Variants in WASHC2A observed in about 807,000 individuals in gnomAD.
The protein encoded by WASHC2A is WASH complex subunit 2A.
A neutral mutation model predicts 140.3 loss-of-function variants in WASHC2A; 82 were observed. The ratio of observed to expected loss-of-function variants is 0.58; its 90% CI spans 0.49 to 0.70. The LOEUF (loss-of-function observed/expected upper bound fraction) is 0.70. WASHC2A is among the 30% of genes least tolerant of loss of function. The pLI is 0.00. For missense variants in WASHC2A, 985 were observed against 1,521.8 expected, an observed-to-expected ratio of 0.65 and a Z score of 5.87; for synonymous variants, 340 against 560.8, an observed-to-expected ratio of 0.61 and a Z score of 5.56.
intron 3 of WASHC2A, among the ~76,000 whole-genome samples, chr10:50,071,502 T>A (rs1837810593): frequency 6.6e-6 from 1 of 151,980 alleles, no homozygotes; most frequent in Non-Finnish European, 1.5e-5. Flanking sequence ...AGACGGGGTT[T>A]CACCGAGTTA....
chr10:50,126,276 T>C, intron 26 of WASHC2A, 97 bp downstream of exon 26: 1 of 1,605,976 alleles, frequency 6.2e-7, no homozygotes, highest in Non-Finnish European at 8.5e-7. Flanking sequence ...CTTGTCTGCA[T>C]TAAGGAGGAA....
At chr10:50,114,167 G>A (rs1202682981) in intron 21 of WASHC2A, among the ~76,000 whole-genome samples, 170 bp downstream of exon 21, 1 of 93,036 alleles carries the variant, frequency 1.1e-5, no homozygotes, top group Non-Finnish European at 2.2e-5. Flanking sequence ...TTCTAGAGAA[G>A]AAGCACACGT....
intron 9 of WASHC2A, among the ~76,000 whole-genome samples, chr10:50,091,146 T>C (rs1181363430): frequency 2.2e-4 from 34 of 151,936 alleles, no homozygotes; most frequent in African/African-American, 8.0e-4. Context: ...TGTCTCTCCA[T>C]CCATTCACCT....
intron 13 of WASHC2A, 121 bp from the exon 14 acceptor site, chr10:50,095,027 A>T: frequency 1.3e-6 from 2 of 1,569,240 alleles, no homozygotes; most frequent in East Asian, 2.3e-5. Flanking sequence ...CTTGTTCAGG[A>T]AAAAGTGGTT....
At position 50,127,792 on chromosome 10, in the gene WASHC2A, C is replaced by G; in HGVS notation, c.3084C>G (p.Asn1028Lys). 6.8e-7 allele frequency: 1 copy of G among 1,460,686 alleles called. No individual in the cohort carries two copies. The allele number at this position is 1,460,686 out of a possible 1,614,324, so 90.5% of individuals were successfully genotyped here. ...PAQADTLHSA[N>K]KSRVKMRGKR... The stretch of plus-strand genomic sequence containing the variant: ...AGGCAGACACCTTACACAGTGCAAA[C>G]AAGGTGATGAAACCATCTTTGCTTC... Residue 1028 changes from asparagine (N) to lysine (K), a missense_variant, in exon 28 of 31, where the codon AAC (asparagine) becomes AAG (lysine). Coordinates refer to ENST00000282633, the MANE Select transcript of WASHC2A (RefSeq NM_001005751.3).
intron 13 of WASHC2A, among the ~76,000 whole-genome samples, chr10:50,094,894 A>G (rs1469679324): frequency 6.6e-6 from 1 of 151,216 alleles, no homozygotes; most frequent in Non-Finnish European, 1.5e-5. Context: ...CAGCTGACCC[A>G]CTGCTGTGGC....
At chr10:50,079,460 G>A (rs1416154703) in intron 4 of WASHC2A, among the ~76,000 whole-genome samples, 3 of 152,214 alleles carry the variant, frequency 2.0e-5, no homozygotes, top group South Asian at 2.1e-4. Context: ...GCAGTGGCAC[G>A]ATATCAGCTC....
intron 30 of WASHC2A, among the ~76,000 whole-genome samples, chr10:50,131,636 C>T (rs1166000251): frequency 3.9e-5 from 6 of 152,166 alleles, no homozygotes; most frequent in African/African-American, 9.7e-5. Context: ...GGCAAATGCC[C>T]GAGAACCCTA....
At chr10:50,095,526 A>G (rs1840400248) in intron 14 of WASHC2A, 73 bp from the exon 15 acceptor site, 2 of 1,568,190 alleles carry the variant, frequency 1.3e-6, no homozygotes. Flanking sequence ...TTGGTGGGTG[A>G]TAATTTTTTT....
At chr10:50,082,379 G>A (rs1554879985) in intron 5 of WASHC2A, among the ~76,000 whole-genome samples, 1 of 151,680 alleles carries the variant, frequency 6.6e-6, no homozygotes, top group Admixed American at 6.6e-5. Flanking sequence ...TGACAAGGAA[G>A]AGATATCATT....
At chr10:50,111,656 G>A (rs1842296384) in intron 20 of WASHC2A, among the ~76,000 whole-genome samples, 1 of 152,100 alleles carries the variant, frequency 6.6e-6, no homozygotes, top group African/African-American at 2.4e-5. Context: ...CTTTATTTTT[G>A]TTGCTCTCTC....
intron 19 of WASHC2A, among the ~76,000 whole-genome samples, chr10:50,106,724 G>T (rs1409214734): frequency 1.5e-5 from 2 of 134,080 alleles, no homozygotes; most frequent in Non-Finnish European, 3.3e-5. Context: ...GGCCGGCTAG[G>T]GGGGAAATGA....
intron 23 of WASHC2A, among the ~76,000 whole-genome samples, chr10:50,123,301 C>T (rs1479900646): frequency 7.7e-6 from 1 of 129,630 alleles, no homozygotes; most frequent in Non-Finnish European, 1.7e-5. Context: ...AATATGATTG[C>T]TCCCAGCAGC....
rs1368724621 is a variant in WASHC2A at position 50,127,167 on chromosome 10, C to A, written c.2819C>A (p.Ser940Ter). 6.2e-7 allele frequency: 1 copy of A among 1,611,936 alleles called. No homozygotes were observed. Among genetic ancestry groups the A allele is most frequent in the Admixed American group, 1.7e-5 (1 of 60,000 alleles). ...IWKPETPQDS[S>*]GLAPFKTKEP... ...GGATGTAATTTTACACAGGACTCATCAGGTCTCGCTCCATTTAAAACCAAA... is the reference window on the plus strand; with the variant it reads ...GGATGTAATTTTACACAGGACTCATAAGGTCTCGCTCCATTTAAAACCAAA... Residue 940 changes from serine to a stop codon, truncating the protein, a stop_gained, in exon 27 of 31, where the codon TCA (serine) becomes TAA (stop). Coordinates refer to ENST00000282633, the MANE Select transcript of WASHC2A (RefSeq NM_001005751.3). LOFTEE classifies it high-confidence loss of function.
chr10:50,109,425 T>G (rs1455990054), intron 19 of WASHC2A, among the ~76,000 whole-genome samples: 2 of 152,226 alleles, frequency 1.3e-5, no homozygotes, highest in African/African-American at 2.4e-5. Context: ...TATTCTTCTC[T>G]GGAGTTGGAA....
intron 18 of WASHC2A, among the ~76,000 whole-genome samples, chr10:50,105,651 T>C (rs1470763108): frequency 1.9e-4 from 28 of 149,634 alleles, no homozygotes; most frequent in African/African-American, 6.0e-4. Flanking sequence ...CTAACTCAGA[T>C]TCAGGCCCTC....
Position 50,069,614 on chromosome 10 carries a change from T to G in WASHC2A, c.194T>G (p.Val65Gly). Residue 65 changes from valine to glycine, a missense_variant, in exon 3 of 31, where the codon GTG (valine) becomes GGG (glycine). Coordinates refer to ENST00000282633, the MANE Select transcript of WASHC2A (RefSeq NM_001005751.3). ...AGGACCCATGAAATCAAGAAACAAG[T>G]GGACGGACTAATTCGGGAAACCAAA... is the stretch of plus-strand genomic sequence containing the variant. Reference protein sequence around the residue: ...ISRTHEIKKQVDGLIRETKAT... With the variant: ...ISRTHEIKKQGDGLIRETKAT... 1.2e-6 allele frequency: 2 copies of G among 1,613,968 alleles called. No individual in the cohort carries two copies. Among genetic ancestry groups the G allele is most frequent in the Non-Finnish European group, 1.7e-6 (2 of 1,179,862 alleles).
At chr10:50,125,061 G>A (rs1843319455) in intron 23 of WASHC2A, 52 bp from the exon 24 acceptor site, 1 of 1,574,966 alleles carries the variant, frequency 6.3e-7, no homozygotes, top group South Asian at 1.2e-5. Flanking sequence ...TAACTTCCTT[G>A]AGATAAGTTC....
At chr10:50,100,345 G>A (rs1840994383) in intron 17 of WASHC2A, among the ~76,000 whole-genome samples, 1 of 151,484 alleles carries the variant, frequency 6.6e-6, no homozygotes, top group African/African-American at 2.4e-5. Context: ...AGCTGGGTAT[G>A]GTGGTGCGAG....
Sources: allele counts gnomAD v4.1 joint callset (sites outside exome capture counted in the v4.1 genomes callset), GRCh38; gene constraint gnomAD v4.1.1; transcripts MANE v1.5; gene names NCBI Gene and HGNC (gene_info 2026-07-23, HGNC 2026-07-21).